The following HIGD1A variants were observed in gnomAD, a reference collection of about 807,000 sequenced individuals.
HIGD1A encodes the protein HIG1 hypoxia inducible domain family member 1A.
HIGD1A carries 8 observed loss-of-function variants against 11.3 expected under a neutral mutation model. The ratio of observed to expected loss-of-function variants is 0.71; its 90% confidence interval spans 0.42 to 1.28. The LOEUF (loss-of-function observed/expected upper bound fraction) is 1.28, where lower values mean the gene tolerates loss of function less well. Among genes scored for constraint, HIGD1A ranks in the 50% most tolerant of loss-of-function variants. HIGD1A has a pLI of 0.01. For synonymous variants in HIGD1A, 32 were observed against 38.4 expected, an observed-to-expected ratio of 0.83 and a Z score of 0.62; for missense variants, 107 against 118.8, an observed-to-expected ratio of 0.90 and a Z score of 0.46.
Position 42,804,486 on chromosome 3 carries a change from C to T in HIGD1A, c.-73G>A, listed in dbSNP as rs576798789. The T allele has an allele frequency of 2.4e-4, 108 of 452,138 alleles. No individual in the cohort carries two copies. Among genetic ancestry groups the T allele is most frequent in the African/African-American group, 1.4e-3 (67 of 49,436 alleles). The allele number at this position is 452,138 out of a possible 1,614,324, so 28.0% of individuals were successfully genotyped here. A position where few individuals can be genotyped will look rare whatever the true frequency, so the allele number is the denominator to read the frequency against. ...CCAACCGGCTTCCGATCCCTGCAGGCGCACCCAGTCCTCCCGGCTTCTCCC... is the reference window on the plus strand; with the variant it reads ...CCAACCGGCTTCCGATCCCTGCAGGTGCACCCAGTCCTCCCGGCTTCTCCC... On this transcript the variant is annotated 5_prime_UTR_variant, in exon 1 of 4. Transcript: ENST00000321331.
chr3:42,799,615 GTT>G (rs57590070), intron 1 of HIGD1A, among the ~76,000 whole-genome samples: 103 of 147,654 alleles, frequency 7.0e-4, no homozygotes, highest in African/African-American at 2.1e-3. Flanking sequence ...ACCATGCCTG[GTT>G]TTTTTTTTTT....
chr3:42,788,809 C>A (rs1345688733), intron 2 of HIGD1A, among the ~76,000 whole-genome samples: 1 of 151,450 alleles, frequency 6.6e-6, no homozygotes, highest in Non-Finnish European at 1.5e-5. Flanking sequence ...ACCCAGGAGG[C>A]AGAGGCTGCA....
rs1051222224 is a variant in HIGD1A at position 42,794,789 on chromosome 3, A to G, written c.-22-514T>C. 4.6e-5 allele frequency among the ~76,000 whole-genome samples: 7 copies of G among 152,092 alleles called. No homozygotes were observed. In the South Asian group the frequency reaches 1.5e-3, roughly 32 times the overall value. ...TATTCCAATGTGCTTCCTTGCTTCA[A>G]TTTTCACTTCAGATTAGTTTCCAGT... On this transcript the variant is annotated intron_variant, in intron 1 of 3. Coordinates refer to ENST00000321331, the MANE Select transcript of HIGD1A (RefSeq NM_014056.4).
In HIGD1A at chr3:42,794,979, G is replaced by A. The variant is rs962334222; in HGVS notation, c.-22-704C>T. Among the ~76,000 whole-genome samples the A allele has an allele frequency of 2.6e-5, 4 of 152,074 alleles. No individual in the cohort carries two copies. In the East Asian group the frequency reaches 5.8e-4, roughly 22 times the overall value. On this transcript the variant is annotated intron_variant, in intron 1 of 3. Transcript: ENST00000321331. ...TCATAGCCTTTTAGATTTTTTTAAT[G>A]ACCTATGATTAGTTTTTTTTCTTTT...
intron 1 of HIGD1A, among the ~76,000 whole-genome samples, chr3:42,798,698 G>A (rs1356633745): frequency 7.4e-4 from 7 of 9,502 alleles, no homozygotes; most frequent in African/African-American, 8.0e-4. Context: ...CAGCCGCCCC[G>A]CCCGGGAGGT....
At position 42,786,084 on chromosome 3, in the gene HIGD1A, T is replaced by C. The variant is rs1241931612; in HGVS notation, c.176A>G (p.His59Arg). 1.9e-6 allele frequency: 3 copies of C among 1,613,512 alleles called. No individual in the cohort carries two copies. Among genetic ancestry groups the C allele is most frequent in the African/African-American group, 2.7e-5 (2 of 74,924 alleles). The change falls in exon 3 of 4, where the codon CAT becomes CGT. Residue 59 changes from histidine to arginine, a missense_variant. Physicochemically the swap from His to Arg is conservative, Grantham distance 29. Coordinates refer to ENST00000321331, the MANE Select transcript of HIGD1A (RefSeq NM_014056.4). ...KSRGNTKMSIHLIHMRVAAQG... is the reference protein window; with the variant it reads ...KSRGNTKMSIRLIHMRVAAQG... ...GGCTGCCACACGCATGTGGATCAGA[T>C]GAATGGACATTTTAGTATTTCCCCT... is the stretch of plus-strand genomic sequence containing the variant.
At chr3:42,785,352 A>G (rs1265050734) in intron 3 of HIGD1A, 32 bp from the exon 4 acceptor site, 5 of 1,565,170 alleles carry the variant, frequency 3.2e-6, no homozygotes, top group East Asian at 2.2e-5. Context: ...TAAGCATTTC[A>G]GTATTTTCTT....
intron 2 of HIGD1A, among the ~76,000 whole-genome samples, chr3:42,790,974 A>G (rs73075297): frequency 0.18 from 26,792 of 152,148 alleles, 2,736 homozygotes; most frequent in Non-Finnish European, 0.23. Context: ...CAAAGTAAAC[A>G]GGCAAGCTCT....
At chr3:42,799,380 C>A (rs1235295683) in intron 1 of HIGD1A, among the ~76,000 whole-genome samples, 1 of 151,832 alleles carries the variant, frequency 6.6e-6, no homozygotes, top group Non-Finnish European at 1.5e-5. Context: ...GTGGCTAATT[C>A]ATTAAACCTA....
At chr3:42,793,143 A>G (rs180861626) in intron 2 of HIGD1A, among the ~76,000 whole-genome samples, 5 of 152,332 alleles carry the variant, frequency 3.3e-5, no homozygotes, top group Admixed American at 1.3e-4. Flanking sequence ...CAACAGTTAT[A>G]TCTAAATGGT....
intron 1 of HIGD1A, among the ~76,000 whole-genome samples, chr3:42,802,301 C>T (rs904292055): frequency 1.3e-5 from 2 of 152,038 alleles, no homozygotes; most frequent in Non-Finnish European, 2.9e-5. Flanking sequence ...GGCATTTGAC[C>T]TGGGTTTCAG....
intron 1 of HIGD1A, among the ~76,000 whole-genome samples, chr3:42,801,725 C>T (rs1700565384): frequency 6.6e-6 from 1 of 152,158 alleles, no homozygotes; most frequent in South Asian, 2.1e-4. Context: ...GGTCTTAGTT[C>T]CTTGCAACAC....
At chr3:42,792,531 A>C (rs1233664738) in intron 2 of HIGD1A, among the ~76,000 whole-genome samples, 2 of 151,668 alleles carry the variant, frequency 1.3e-5, no homozygotes, top group African/African-American at 2.4e-5. Context: ...AAAATTAGCC[A>C]GGCGTGGTGG....
At position 42,785,991 on chromosome 3, in the gene HIGD1A, G is replaced by C. The variant is rs376791203; in HGVS notation, c.232+37C>G. ...TTTGTTTGTAAAGAAATACCTTAAT[G>C]AGAAACGAAAATTTGAAATTTCCTA... On this transcript the variant is annotated intron_variant, in intron 3 of 3. Coordinates refer to ENST00000321331, the MANE Select transcript of HIGD1A (RefSeq NM_014056.4). 15 of 1,608,088 alleles carry C rather than the reference G, an allele frequency of 9.3e-6. No individual in the cohort carries two copies. In the African/African-American group the frequency reaches 1.7e-4, roughly 19 times the overall value.
chr3:42,793,482 A>C (rs1307615552), intron 2 of HIGD1A, among the ~76,000 whole-genome samples: 2 of 152,210 alleles, frequency 1.3e-5, no homozygotes, highest in Non-Finnish European at 1.5e-5. Context: ...GGAAGGGGAC[A>C]CCTAGAATTT....
intron 1 of HIGD1A, among the ~76,000 whole-genome samples, chr3:42,801,233 C>T (rs1331933540): frequency 6.6e-6 from 1 of 152,178 alleles, no homozygotes; most frequent in East Asian, 1.9e-4. Flanking sequence ...TGGAACTCGG[C>T]GAACTCCTCA....
At chr3:42,787,932 G>A (rs2125923977) in intron 2 of HIGD1A, among the ~76,000 whole-genome samples, 1 of 151,950 alleles carries the variant, frequency 6.6e-6, no homozygotes, top group Admixed American at 6.6e-5. Flanking sequence ...AGGCCACAAA[G>A]AAAATTCCAA....
In HIGD1A at chr3:42,784,099, ATG is replaced by A. The variant is rs1351526464; in HGVS notation, c.*1170_*1171del. Among the ~76,000 whole-genome samples, 1 of 151,566 alleles carries A rather than the reference ATG, an allele frequency of 6.6e-6. No homozygotes were observed. Among genetic ancestry groups the A allele is most frequent in the Non-Finnish European group, 1.5e-5 (1 of 67,932 alleles). On this transcript the variant is annotated 3_prime_UTR_variant, in exon 4 of 4. Coordinates refer to ENST00000321331, the MANE Select transcript of HIGD1A (RefSeq NM_014056.4). Reference sequence around the variant, plus strand: ...TCAAAAAAAAAAAAAAAAAATTTATATGGATAATCAATAGAACAAAAATTACC... The same window carrying A: ...TCAAAAAAAAAAAAAAAAAATTTATAGATAATCAATAGAACAAAAATTACC...
At chr3:42,802,131 A>G (rs955375251) in intron 1 of HIGD1A, among the ~76,000 whole-genome samples, 1 of 152,114 alleles carries the variant, frequency 6.6e-6, no homozygotes, top group Non-Finnish European at 1.5e-5. Context: ...GGCTGACTCT[A>G]ATTCTCCAAC....
Sources: gnomAD v4.1 joint callset for allele counts (sites outside exome capture counted in the v4.1 genomes callset) on GRCh38, gnomAD v4.1.1 for gene constraint, MANE v1.5 for transcripts, NCBI Gene and HGNC (gene_info 2026-07-23, HGNC 2026-07-21) for gene names.